ZNF100: variants seen among roughly 807,000 people sequenced by gnomAD.
ZNF100 encodes zinc finger protein 100 (Y1).
Under a neutral mutation model 15.8 loss-of-function variants are expected in ZNF100, and 12 were observed. The observed-to-expected ratio is 0.76, with a 90% confidence interval of 0.49 to 1.23. The LOEUF (loss-of-function observed/expected upper bound fraction) is 1.23. Among genes scored for constraint, ZNF100 ranks in the 50% most tolerant of loss-of-function variants. The pLI is 0.00. For synonymous variants in ZNF100, 226 were observed against 214.8 expected (o/e 1.05, Z -0.45); for missense variants, 670 against 635.6 (o/e 1.05, Z -0.58).
At chr19:21,754,873 A>G (rs1432016016) in intron 2 of ZNF100, among the ~76,000 whole-genome samples, 1 of 152,214 alleles carries the variant, frequency 6.6e-6, no homozygotes, top group Non-Finnish European at 1.5e-5. Flanking sequence ...AGAACAGGAG[A>G]AAATTTTTGC....
At chr19:21,732,637 T>A (rs2035939342) in intron 4 of ZNF100, among the ~76,000 whole-genome samples, 1 of 149,254 alleles carries the variant, frequency 6.7e-6, no homozygotes, top group Non-Finnish European at 1.5e-5. Flanking sequence ...TATATATATA[T>A]AATATATGTA....
intron 4 of ZNF100, among the ~76,000 whole-genome samples, chr19:21,731,277 T>A (rs1049459258): frequency 1.6e-5 from 2 of 121,472 alleles, no homozygotes; most frequent in Non-Finnish European, 3.5e-5. Flanking sequence ...CCAATAGCAA[T>A]GCAAGTTTCT....
In ZNF100 at chr19:21,738,248, CAAAAAAAAAAAAAAAAAAAAAAA is replaced by C. The variant is rs769582572; in HGVS notation, c.322+5746_322+5768del. ...CCTGGGCGATAGAGTGACACTATGT[CAAAAAAAAAAAAAAAAAAAAAAA>C]AAAAAAAAAAAAAAAAAAACTGATG... On this transcript the variant is annotated intron_variant, in intron 4 of 4. Coordinates refer to ENST00000358296, the MANE Select transcript of ZNF100 (RefSeq NM_173531.4). Among the ~76,000 whole-genome samples the C allele has an allele frequency of 4.9e-4, 21 of 42,994 alleles. 1 individual carries two copies. The highest frequency in any genetic ancestry group is 1.5e-3 in the African/African-American group (16 of 10,810). The allele number at this position is 42,994 out of a possible 152,430, so 28.2% of individuals were successfully genotyped here. A position where few individuals can be genotyped will look rare whatever the true frequency, so the allele number is the denominator to read the frequency against.
chr19:21,724,677 TG>T lies in ZNF100; in HGVS notation c.*2005del, dbSNP rs1265218224. 6.6e-6 allele frequency: 1 copy of T among 152,192 alleles called. No individual in the cohort carries two copies. Among genetic ancestry groups the T allele is most frequent in the African/African-American group, 2.4e-5 (1 of 41,442 alleles). The allele number at this position is 152,192 out of a possible 1,614,324, so 9.4% of individuals were successfully genotyped here. ...ATGTGATTATTATATACTGTATTCT[TG>T]TATCAAAATATGCCATATATTGCAT... On this transcript the variant is annotated 3_prime_UTR_variant, in exon 5 of 5. Coordinates refer to ENST00000358296, the MANE Select transcript of ZNF100 (RefSeq NM_173531.4).
At chr19:21,763,505 G>A (rs533205018) in intron 2 of ZNF100, among the ~76,000 whole-genome samples, 62 of 152,202 alleles carry the variant, frequency 4.1e-4, no homozygotes, top group African/African-American at 1.3e-3. Context: ...CAAAGGAATC[G>A]CTTGAACCTG....
rs1231877837 is a variant in ZNF100, at chr19:21,749,316, C to A, written c.97-4249G>T. The stretch of plus-strand genomic sequence containing the variant: ...GAGAAAAAAAAAAAACAGAATGACT[C>A]ATTTCTCTTACACCGAGACAGAAGC... On this transcript the variant is annotated intron_variant, in intron 2 of 4. Transcript: ENST00000358296. Among the ~76,000 whole-genome samples the A allele has an allele frequency of 3.3e-5, 5 of 151,470 alleles. No individual in the cohort carries two copies. The East Asian group carries it at 9.7e-4, about 29-fold the overall frequency.
rs184235176 is a variant in ZNF100, at chr19:21,737,056, T to C, written c.322+6961A>G. ...AATAACCAGGATCAGAGTGGAACCA[T>C]AGGAGATAGAGACACAAAAAAAACC... is the stretch of plus-strand genomic sequence containing the variant. On this transcript the variant is annotated intron_variant, in intron 4 of 4. Transcript: ENST00000358296. Among the ~76,000 whole-genome samples the C allele has an allele frequency of 1.6e-3, 242 of 149,546 alleles. 4 individuals are homozygous for C. Among genetic ancestry groups the C allele is most frequent in the Admixed American group, 7.4e-3 (111 of 14,992 alleles).
At chr19:21,765,562 G>T in intron 2 of ZNF100, 132 bp downstream of exon 2, 1 of 749,636 alleles carries the variant, frequency 1.3e-6, no homozygotes, top group Non-Finnish European at 2.2e-6. Flanking sequence ...GCCCCCCTTA[G>T]ATGATCCAGG....
intron 2 of ZNF100, among the ~76,000 whole-genome samples, chr19:21,747,476 T>C (rs2036231144): frequency 6.6e-6 from 1 of 152,204 alleles, no homozygotes; most frequent in Admixed American, 6.5e-5. Flanking sequence ...GGTCCCACTT[T>C]ATGTAATGTG....
chr19:21,727,056 T>C lies in ZNF100; in HGVS notation c.1256A>G (p.His419Arg), dbSNP rs779269607. Residue 419 changes from histidine to arginine, a missense_variant, in exon 5 of 5, where the codon CAT becomes CGT. Transcript: ENST00000358296. ...TTTCTCTCCAGTATGAATTCTCTTA[T>C]GTTTAGTGAGGGCTGAGGACCAGTT... ...GFNWSSALTK[H>R]KRIHTGEKPY... The C allele has an allele frequency of 1.5e-5, 24 of 1,613,692 alleles. No homozygotes were observed. Among genetic ancestry groups the C allele is most frequent in the Admixed American group, 3.3e-5 (2 of 59,968 alleles).
At chr19:21,758,951 CATG>C (rs1450365419) in intron 2 of ZNF100, among the ~76,000 whole-genome samples, 8 of 152,244 alleles carry the variant, frequency 5.3e-5, no homozygotes, top group East Asian at 3.9e-4. Flanking sequence ...GCCAGGTCTC[CATG>C]ATATCTTTCT....
intron 2 of ZNF100, among the ~76,000 whole-genome samples, chr19:21,762,322 C>T (rs111775170): frequency 6.6e-6 from 1 of 152,352 alleles, no homozygotes; most frequent in African/African-American, 2.4e-5. Flanking sequence ...TCAGCCACGA[C>T]TTCCTATCAG....
chr19:21,748,317 GGGCCAGACCTAAAGAA>G (rs2036246456), intron 2 of ZNF100, among the ~76,000 whole-genome samples: 1 of 152,160 alleles, frequency 6.6e-6, no homozygotes, highest in South Asian at 2.1e-4. Flanking sequence ...ACTCCAAAGT[GGGCCAGACCTAAAGAA>G]GGCCTTCAAA....
chr19:21,751,335 T>C, intron 2 of ZNF100: 2 of 861,534 alleles, frequency 2.3e-6, no homozygotes, highest in Non-Finnish European at 4.0e-6. Flanking sequence ...CTGGATATTT[T>C]TGATGAGAGA....
At chr19:21,744,678 T>C (rs1167917163) in intron 3 of ZNF100, among the ~76,000 whole-genome samples, 1 of 152,058 alleles carries the variant, frequency 6.6e-6, no homozygotes, top group African/African-American at 2.4e-5. Flanking sequence ...CCTAAAAACA[T>C]GGGCAACAAT....
intron 4 of ZNF100, among the ~76,000 whole-genome samples, chr19:21,734,449 G>A (rs1226281114): frequency 6.6e-6 from 1 of 151,822 alleles, no homozygotes; most frequent in Admixed American, 6.6e-5. Flanking sequence ...GACCAAGCAG[G>A]AAAAAGAATT....
rs763305626 is a variant in ZNF100, at chr19:21,723,360, C to CAA, written c.*3321_*3322dup. On this transcript the variant is annotated 3_prime_UTR_variant, in exon 5 of 5. Transcript: ENST00000358296. The stretch of plus-strand genomic sequence containing the variant: ...GGGCAACAAGAGTGAGACTCTGTCT[C>CAA]AAAAAAAAAAAAAAAAAAAAAAACA... 922 of 51,750 alleles carry CAA rather than the reference C, an allele frequency of 0.018. 15 individuals are homozygous for CAA. Among genetic ancestry groups the CAA allele is most frequent in the Middle Eastern group, 0.061 (5 of 82 alleles). 3.2% of individuals were successfully genotyped at this position (51,750 alleles called of 1,614,324 possible). A position where few individuals can be genotyped will look rare whatever the true frequency, so the allele number is the denominator to read the frequency against.
chr19:21,729,791 G>GT (rs145747126), intron 4 of ZNF100, among the ~76,000 whole-genome samples: 3,504 of 151,886 alleles, frequency 0.023, 143 homozygotes, highest in African/African-American at 0.081. Context: ...ATAAACATCT[G>GT]TTAATAAATA....
chr19:21,747,666 C>T (rs2036234424), intron 2 of ZNF100, among the ~76,000 whole-genome samples: 1 of 152,178 alleles, frequency 6.6e-6, no homozygotes, highest in African/African-American at 2.4e-5. Context: ...ATGAAGACAA[C>T]CACACTCCAT....
Sources: allele counts gnomAD v4.1 joint callset (sites outside exome capture counted in the v4.1 genomes callset), GRCh38; gene constraint gnomAD v4.1.1; transcripts MANE v1.5; gene names NCBI Gene and HGNC (gene_info 2026-07-23, HGNC 2026-07-21).